The following GIGYF1 variants were observed in gnomAD, a reference collection of about 807,000 sequenced individuals.
The protein encoded by GIGYF1 is GRB10 interacting GYF protein 1.
Under a neutral mutation model 147.1 loss-of-function variants are expected in GIGYF1, and 84 were observed. That is an observed-to-expected ratio of 0.57 (90% CI 0.48 to 0.68). The LOEUF (loss-of-function observed/expected upper bound fraction) is 0.68, where lower values mean the gene tolerates loss of function less well. Ranked by LOEUF, GIGYF1 falls within the 30% of genes least tolerant of loss-of-function variation. The pLI is 0.00. For synonymous variants in GIGYF1, 752 were observed against 589.5 expected, an observed-to-expected ratio of 1.28 and a Z score of -3.99; for missense variants, 1,485 against 1,393.7, an observed-to-expected ratio of 1.07 and a Z score of -1.04.
At position 100,686,020 on chromosome 7, in the gene GIGYF1, C is replaced by T. The variant is rs530782157; in HGVS notation, c.1008G>A (p.Glu336=). 2 of 1,612,998 alleles carry T rather than the reference C, an allele frequency of 1.2e-6. No homozygotes were observed. Among genetic ancestry groups the T allele is most frequent in the South Asian group, 2.2e-5 (2 of 91,060 alleles). ...EQELDFQGLE[E]EEEPSEGLEE... Reference sequence around the variant, plus strand: ...CTAGCCCTTCGGAAGGTTCCTCCTCCTCCTCCAACCCTTGGAAGTCCAGCT... The same window carrying T: ...CTAGCCCTTCGGAAGGTTCCTCCTCTTCCTCCAACCCTTGGAAGTCCAGCT... The change falls in exon 12 of 27, where the codon GAG becomes GAA. Residue 336 remains glutamate (E), a synonymous_variant. Coordinates refer to ENST00000678049, the MANE Select transcript of GIGYF1 (RefSeq NM_001375765.1).
Position 100,681,771 on chromosome 7 carries a change from C to G in GIGYF1, c.3056G>C (p.Gly1019Ala). ...LMLHSDPSIL[G>A]YSLHGSSGEI... is the part of the protein sequence containing the mutation. ...ACCAGAAGATCCGTGCAGGGAGTAC[C>G]CTGAAGCCGGGGAGAAGCTGCGTCT... Residue 1019 changes from glycine (G) to alanine (A), a missense_variant and splice_region_variant, in exon 27 of 27, where the codon GGG becomes GCG. By Grantham distance (60) the Gly-to-Ala change is moderately conservative. Transcript: ENST00000678049. The G allele has an allele frequency of 1.3e-6, 2 of 1,589,444 alleles. No homozygotes were observed. The highest frequency in any genetic ancestry group is 1.7e-5 in the Admixed American group (1 of 57,784).
rs117477530 is a variant in GIGYF1 at position 100,682,365 on chromosome 7, G to A, written c.2718C>T (p.Cys906=). ...CGCTCAGCGTGTGCAGCATCTGCTC[G>A]CACCACTGGGTGAAGCCGTCCTGGG... ...PRPQDGFTQW[C]EQMLHTLSAT... is the part of the protein sequence containing the mutation. Residue 906 remains cysteine (C), a synonymous_variant, in exon 24 of 27, where the codon TGC becomes TGT. Coordinates refer to ENST00000678049, the MANE Select transcript of GIGYF1 (RefSeq NM_001375765.1). 3,523 of 1,613,464 alleles carry A rather than the reference G, an allele frequency of 2.2e-3. 4 individuals are homozygous for A. Among genetic ancestry groups the A allele is most frequent in the Non-Finnish European group, 2.7e-3 (3,195 of 1,179,950 alleles).
chr7:100,681,822 CCT>C (rs1425822608), intron 26 of GIGYF1, 40 bp downstream of exon 26: 2 of 1,607,276 alleles, frequency 1.2e-6, no homozygotes, highest in Non-Finnish European at 1.7e-6. Context: ...CTCCTCCTGC[CCT>C]GTGCCAAGGA....
chr7:100,687,082 C>T (rs1805428173), intron 8 of GIGYF1, 36 bp from the exon 9 acceptor site: 1 of 1,613,456 alleles, frequency 6.2e-7, no homozygotes, highest in African/African-American at 1.3e-5. Flanking sequence ...AGAAACAGTA[C>T]AGCCTCCCCT....
chr7:100,686,840 G>A (rs752701267), intron 9 of GIGYF1, 21 bp from the exon 10 acceptor site: 35 of 1,612,704 alleles, frequency 2.2e-5, no homozygotes, highest in African/African-American at 5.3e-5. Context: ...GGAAGACAGG[G>A]GCAGTTATTA....
intron 6 of GIGYF1, 50 bp from the exon 7 acceptor site, chr7:100,687,666 T>TCCCCC: frequency 7.5e-7 from 1 of 1,338,006 alleles, no homozygotes; most frequent in Non-Finnish European, 1.0e-6. Context: ...CCCAACCACC[T>TCCCCC]CCACCCCCAC....
intron 14 of GIGYF1, 51 bp downstream of exon 14, chr7:100,684,998 G>C: frequency 6.4e-7 from 1 of 1,555,896 alleles, no homozygotes; most frequent in Non-Finnish European, 8.7e-7. Context: ...GGGCCAAGCA[G>C]GTCAGGTCAG....
rs1295355548 is a variant in GIGYF1, at chr7:100,682,248, C to T, written c.2762-13G>A. On this transcript the variant is annotated splice_polypyrimidine_tract_variant and intron_variant, in intron 24 of 26. Coordinates refer to ENST00000678049, the MANE Select transcript of GIGYF1 (RefSeq NM_001375765.1). ...ACAGCCATGGGCACTGCAGGATGAG[C>T]GAAGGCTGTCAGGGCCCCCTGGCCG... is the stretch of plus-strand genomic sequence containing the variant. The T allele has an allele frequency of 1.1e-5, 17 of 1,609,044 alleles. No homozygotes were observed. The highest frequency in any genetic ancestry group is 1.7e-5 in the Admixed American group (1 of 59,968).
In GIGYF1 at chr7:100,685,989, C is replaced by T. The variant is rs1805292091; in HGVS notation, c.1039G>A (p.Glu347Lys). Residue 347 changes from glutamate to lysine, a missense_variant, in exon 12 of 27, where the codon GAA becomes AAA. Transcript: ENST00000678049. ...EEEPSEGLEE[E>K]GPEAGGKELT... ...CGCGGCTCACCTGCCTCAGGCCCTT[C>T]CTCCTCTAGCCCTTCGGAAGGTTCC... The T allele has an allele frequency of 1.9e-6, 3 of 1,612,336 alleles. No individual in the cohort carries two copies. Among genetic ancestry groups the T allele is most frequent in the Non-Finnish European group, 2.5e-6 (3 of 1,179,958 alleles).
In GIGYF1 at chr7:100,681,661, G is replaced by GGTCCACGCCGCTGTGGCTGCCCTGGC; in HGVS notation, c.*32_*57dup. The GGTCCACGCCGCTGTGGCTGCCCTGGC allele has an allele frequency of 6.8e-7, 1 of 1,480,562 alleles. No individual in the cohort carries two copies. The highest frequency in any genetic ancestry group is 9.0e-7 in the Non-Finnish European group (1 of 1,107,562). 91.7% of individuals were successfully genotyped at this position (1,480,562 alleles called of 1,614,324 possible). A position where few individuals can be genotyped will look rare whatever the true frequency, so the allele number is the denominator to read the frequency against. On this transcript the variant is annotated 3_prime_UTR_variant, in exon 27 of 27. Coordinates refer to ENST00000678049, the MANE Select transcript of GIGYF1 (RefSeq NM_001375765.1). Reference sequence around the variant, plus strand: ...GGGGAGCCTGCAGGCTGGGACCCTCGGTCCACGCCGCTGTGGCTGCCCTGG... The same window carrying GGTCCACGCCGCTGTGGCTGCCCTGGC: ...GGGGAGCCTGCAGGCTGGGACCCTCGGTCCACGCCGCTGTGGCTGCCCTGGCGTCCACGCCGCTGTGGCTGCCCTGG...
chr7:100,683,685 G>T, intron 19 of GIGYF1, 53 bp from the exon 20 acceptor site: 2 of 1,571,924 alleles, frequency 1.3e-6, no homozygotes, highest in Non-Finnish European at 1.8e-6. Context: ...TGGGCCCACT[G>T]ATCTAGTCCA....
rs1805300018 is a variant in GIGYF1, at chr7:100,686,043, G to A, written c.985C>T (p.Leu329=). The change falls in exon 12 of 27, where the codon CTG becomes TTG. Residue 329 remains leucine, a synonymous_variant. Coordinates refer to ENST00000678049, the MANE Select transcript of GIGYF1 (RefSeq NM_001375765.1). ...PKEPIPEEQE[L]DFQGLEEEEE... is the part of the protein sequence containing the mutation. ...TCCTCCTCCAACCCTTGGAAGTCCAGCTCCTGCTCCTCAGGAATGGGCTCC... is the reference window on the plus strand; with the variant it reads ...TCCTCCTCCAACCCTTGGAAGTCCAACTCCTGCTCCTCAGGAATGGGCTCC... 6.2e-7 allele frequency: 1 copy of A among 1,612,708 alleles called. No homozygotes were observed. The highest frequency in any genetic ancestry group is 8.5e-7 in the Non-Finnish European group (1 of 1,179,954).
intron 1 of GIGYF1, among the ~76,000 whole-genome samples, chr7:100,693,065 G>A (rs1023263721): frequency 6.6e-6 from 1 of 152,124 alleles, no homozygotes; most frequent in Admixed American, 6.5e-5. Flanking sequence ...TGCACAAGAG[G>A]GTGGGAAAGC....
chr7:100,692,360 A>G (rs1805892960), intron 1 of GIGYF1, among the ~76,000 whole-genome samples: 2 of 152,228 alleles, frequency 1.3e-5, no homozygotes, highest in Non-Finnish European at 2.9e-5. Context: ...CCACTTGCCC[A>G]GCCTTGGGCT....
chr7:100,686,825 A>T lies in GIGYF1; in HGVS notation c.524-6T>A. 1 of 1,613,370 alleles carries T rather than the reference A, an allele frequency of 6.2e-7. No individual in the cohort carries two copies. The highest frequency in any genetic ancestry group is 1.7e-4 in the Middle Eastern group (1 of 6,060). ...CTCCTCAAAGCCACATCGTGCTGGGAGACGGGAAGACAGGGGCAGTTATTA... is the reference window on the plus strand; with the variant it reads ...CTCCTCAAAGCCACATCGTGCTGGGTGACGGGAAGACAGGGGCAGTTATTA... On this transcript the variant is annotated splice_region_variant and splice_polypyrimidine_tract_variant and intron_variant, in intron 9 of 26. Coordinates refer to ENST00000678049, the MANE Select transcript of GIGYF1 (RefSeq NM_001375765.1).
intron 1 of GIGYF1, among the ~76,000 whole-genome samples, chr7:100,693,715 G>C (rs1384977865): frequency 1.3e-5 from 2 of 152,076 alleles, no homozygotes; most frequent in South Asian, 4.1e-4. Flanking sequence ...GGCTTGGCAG[G>C]GGCCCGGGGG....
rs1247005046 is a variant in GIGYF1, at chr7:100,681,495, G to A, written c.*224C>T. On this transcript the variant is annotated 3_prime_UTR_variant, in exon 27 of 27. Transcript: ENST00000678049. ...GCCTCTCCTAATGTTTTCTTCAGTCGTTTAAAATTAAAAAAAAAAATAAAA... is the reference window on the plus strand; with the variant it reads ...GCCTCTCCTAATGTTTTCTTCAGTCATTTAAAATTAAAAAAAAAAATAAAA... 10 of 309,548 alleles carry A rather than the reference G, an allele frequency of 3.2e-5. No homozygotes were observed. The highest frequency in any genetic ancestry group is 7.3e-5 in the Admixed American group (1 of 13,702). The allele number at this position is 309,548 out of a possible 1,614,324, so 19.2% of individuals were successfully genotyped here.
Position 100,682,197 on chromosome 7 carries a change from G to T in GIGYF1, c.2800C>A (p.Pro934Thr). The T allele has an allele frequency of 6.2e-7, 1 of 1,613,554 alleles. No homozygotes were observed. Among genetic ancestry groups the T allele is most frequent in the Non-Finnish European group, 8.5e-7 (1 of 1,179,948 alleles). Residue 934 changes from proline to threonine, a missense_variant, in exon 25 of 27, where the codon CCC becomes ACC. Coordinates refer to ENST00000678049, the MANE Select transcript of GIGYF1 (RefSeq NM_001375765.1). ...AVAILKEVES[P>T]YDVHDYIRSC... ...CGGATATAATCGTGGACATCATAGG[G>T]GGATTCCACCTCCTTGAGGATCGCT...
chr7:100,682,484 T>C lies in GIGYF1; in HGVS notation c.2601-2A>G. 6.2e-7 allele frequency: 1 copy of C among 1,611,272 alleles called. No individual in the cohort carries two copies. The highest frequency in any genetic ancestry group is 8.5e-7 in the Non-Finnish European group (1 of 1,179,850). On this transcript the variant is annotated splice_acceptor_variant, in intron 23 of 26. Coordinates refer to ENST00000678049, the MANE Select transcript of GIGYF1 (RefSeq NM_001375765.1). LOFTEE classifies it high-confidence loss of function. ...CCCGATAGGTGGCTGTATGAGTCAC[T>C]GAAGGGGGAGGGTGAGTCAGGGTTG...
Sources: allele counts gnomAD v4.1 joint callset (sites outside exome capture counted in the v4.1 genomes callset), GRCh38; gene constraint gnomAD v4.1.1; transcripts MANE v1.5; gene names NCBI Gene and HGNC (gene_info 2026-07-23, HGNC 2026-07-21).